Variants in XIRP2 observed in about 807,000 individuals in gnomAD.
The protein encoded by XIRP2 is xin actin-binding repeat-containing protein 2.
XIRP2 carries 236 observed loss-of-function variants against 277.0 expected under a neutral mutation model. That is an observed-to-expected ratio of 0.85 (90% CI 0.77 to 0.95). XIRP2 has a LOEUF of 0.95. XIRP2 is among the 40% of genes least tolerant of loss of function. The pLI is 0.00. For missense variants in XIRP2, 4,640 were observed against 4,157.5 expected (o/e 1.12, Z -3.19); for synonymous variants, 1,490 against 1,416.5 (o/e 1.05, Z -1.17).
intron 4 of XIRP2, among the ~76,000 whole-genome samples, chr2:167,212,091 T>A (rs548613119): frequency 6.6e-6 from 1 of 152,198 alleles, no homozygotes; most frequent in East Asian, 1.9e-4. Context: ...AAAAATGCAA[T>A]TCTAGATGAC....
intron 2 of XIRP2, among the ~76,000 whole-genome samples, chr2:167,028,864 A>G (rs1231017810): frequency 2.6e-5 from 4 of 151,774 alleles, no homozygotes; most frequent in Non-Finnish European, 1.5e-5. Context: ...AATTTTTAAA[A>G]GTGAAATAAT....
At chr2:167,031,450 T>C (rs1035253467) in intron 2 of XIRP2, among the ~76,000 whole-genome samples, 12 of 152,170 alleles carry the variant, frequency 7.9e-5, no homozygotes, top group African/African-American at 2.7e-4. Context: ...CCTTCACTTA[T>C]GAAGCTTAGT....
At chr2:167,185,170 C>T (rs568749978) in intron 3 of XIRP2, among the ~76,000 whole-genome samples, 1 of 152,198 alleles carries the variant, frequency 6.6e-6, no homozygotes, top group African/African-American at 2.4e-5. Flanking sequence ...ATTACGTGAT[C>T]ACTAATTAAT....
rs568480750 is a variant in XIRP2 at position 167,253,938 on chromosome 2, G to T, written c.10556-94G>T. On this transcript the variant is annotated intron_variant, in intron 9 of 10. Coordinates refer to ENST00000409195, the MANE Select transcript of XIRP2 (RefSeq NM_152381.6). ...GTCTTAGAGCTTTTCTACTTTAACC[G>T]CATGGCCAGTTAATATGTGTTTTTG... is the stretch of plus-strand genomic sequence containing the variant. 5.8e-6 allele frequency: 8 copies of T among 1,380,308 alleles called. No homozygotes were observed. The East Asian group carries it at 9.5e-5, about 16-fold the overall frequency. The allele number at this position is 1,380,308 out of a possible 1,614,324, so 85.5% of individuals were successfully genotyped here. A position where few individuals can be genotyped will look rare whatever the true frequency, so the allele number is the denominator to read the frequency against.
chr2:166,969,972 C>G (rs973247322), intron 2 of XIRP2, among the ~76,000 whole-genome samples: 12 of 151,842 alleles, frequency 7.9e-5, no homozygotes. Flanking sequence ...TTTCATGAAC[C>G]ATTAGCATTC....
chr2:167,251,087 G>A lies in XIRP2; in HGVS notation c.9695G>A (p.Arg3232Lys), dbSNP rs1323734766. 1.2e-6 allele frequency: 2 copies of A among 1,613,596 alleles called. No homozygotes were observed. The highest frequency in any genetic ancestry group is 4.5e-5 in the East Asian group (2 of 44,830). The change falls in exon 9 of 11, where the codon AGG becomes AAG. Residue 3232 changes from arginine (R) to lysine (K), a missense_variant. Coordinates refer to ENST00000409195, the MANE Select transcript of XIRP2 (RefSeq NM_152381.6). ...RRQIKIETRG[R>K]DSPPTITIPV... ...CAAATTAAGATAGAAACTCGTGGTAGGGACTCTCCACCTACAATCACAATA... is the reference window on the plus strand; with the variant it reads ...CAAATTAAGATAGAAACTCGTGGTAAGGACTCTCCACCTACAATCACAATA...
chr2:166,969,331 C>CA (rs1471258263), intron 2 of XIRP2, among the ~76,000 whole-genome samples: 1 of 151,910 alleles, frequency 6.6e-6, no homozygotes, highest in Non-Finnish European at 1.5e-5. Context: ...GTTTACTATA[C>CA]AAAGTGAATT....
At chr2:167,099,378 G>C (rs1036789153) in intron 2 of XIRP2, among the ~76,000 whole-genome samples, 2 of 152,168 alleles carry the variant, frequency 1.3e-5, no homozygotes, top group Admixed American at 6.5e-5. Flanking sequence ...AGCATCCCAG[G>C]TCAACTTCAG....
intron 3 of XIRP2, among the ~76,000 whole-genome samples, chr2:167,138,113 A>G (rs1023113251): frequency 2.0e-5 from 3 of 152,210 alleles, no homozygotes; most frequent in Non-Finnish European, 4.4e-5. Flanking sequence ...AAGATTTCAG[A>G]ATTTATACAA....
chr2:167,043,346 A>G (rs1688710827), intron 2 of XIRP2, among the ~76,000 whole-genome samples: 1 of 152,144 alleles, frequency 6.6e-6, no homozygotes, highest in African/African-American at 2.4e-5. Flanking sequence ...GCTGAAGTGA[A>G]TAAAATTGAG....
Position 167,247,672 on chromosome 2 carries a change from A to T in XIRP2, c.6280A>T (p.Thr2094Ser). The T allele has an allele frequency of 6.2e-7, 1 of 1,613,672 alleles. No individual in the cohort carries two copies. The highest frequency in any genetic ancestry group is 1.3e-5 in the African/African-American group (1 of 75,016). Residue 2094 changes from threonine (T) to serine (S), a missense_variant, in exon 9 of 11, where the codon ACA becomes TCA. By Grantham distance (58) the Thr-to-Ser change is moderately conservative. Transcript: ENST00000409195. ...AACTGTGTCAGTTAAGAATAATCTAACAACTAAAGAATCAGACAGGGCAGT... is the reference window on the plus strand; with the variant it reads ...AACTGTGTCAGTTAAGAATAATCTATCAACTAAAGAATCAGACAGGGCAGT... ...TSTVSVKNNL[T>S]TKESDRAVRE...
intron 2 of XIRP2, among the ~76,000 whole-genome samples, chr2:167,036,188 G>T (rs1259977416): frequency 6.6e-6 from 1 of 152,204 alleles, no homozygotes; most frequent in African/African-American, 2.4e-5. Flanking sequence ...CTGAGGCACT[G>T]CTTAGTAGAG....
At chr2:167,214,631 A>G (rs573975706) in intron 4 of XIRP2, among the ~76,000 whole-genome samples, 8 of 151,964 alleles carry the variant, frequency 5.3e-5, no homozygotes, top group African/African-American at 1.9e-4. Flanking sequence ...CAGTGGCACA[A>G]TCTCGGCTCA....
rs1559040490 is a variant in XIRP2 at position 167,246,052 on chromosome 2, GA to G, written c.4663del (p.Thr1555ProfsTer2). On this transcript the variant is annotated frameshift_variant, in exon 9 of 11. Coordinates refer to ENST00000409195, the MANE Select transcript of XIRP2 (RefSeq NM_152381.6). LOFTEE classifies it high-confidence loss of function. Reference protein sequence around the residue: ...KIEIIGKSIKETLEDLYSQKV... With the variant: ...KIEIIGKSIKXTLEDLYSQKV... ...AGAAATTATTGGCAAGAGCATTAAA[GA>G]AACCTTAGAAGATCTCTACTCTCAA... 1 of 1,613,420 alleles carries G rather than the reference GA, an allele frequency of 6.2e-7. No individual in the cohort carries two copies. The highest frequency in any genetic ancestry group is 8.5e-7 in the Non-Finnish European group (1 of 1,179,768).
chr2:167,045,451 A>T (rs902810474), intron 2 of XIRP2, among the ~76,000 whole-genome samples: 6 of 152,100 alleles, frequency 3.9e-5, no homozygotes, highest in African/African-American at 1.4e-4. Context: ...AACTATCATG[A>T]CCGAGTAAAC....
intron 3 of XIRP2, among the ~76,000 whole-genome samples, chr2:167,185,267 A>G (rs181594604): frequency 1.3e-5 from 2 of 152,204 alleles, no homozygotes; most frequent in Non-Finnish European, 2.9e-5. Flanking sequence ...CTTAATTATT[A>G]CCAATTATTA....
In XIRP2 at chr2:167,224,952, T is replaced by C. The variant is rs539185958; in HGVS notation, c.858+6652T>C. 4.6e-5 allele frequency among the ~76,000 whole-genome samples: 7 copies of C among 152,330 alleles called. No individual in the cohort carries two copies. The South Asian group carries it at 1.4e-3, about 32-fold the overall frequency. On this transcript the variant is annotated intron_variant, in intron 5 of 10. Transcript: ENST00000409195. ...CATACCTGTACGTGTTTTGAGCATA[T>C]GTCATTGTGGAGTAATCAGTAACTC...
At chr2:166,901,497 A>G (rs1316576872) in intron 1 of XIRP2, among the ~76,000 whole-genome samples, 2 of 152,054 alleles carry the variant, frequency 1.3e-5, no homozygotes. Flanking sequence ...TCTACAGGAG[A>G]AAATGGCTTT....
At chr2:166,919,051 C>T (rs1684970328) in intron 2 of XIRP2, among the ~76,000 whole-genome samples, 2 of 152,064 alleles carry the variant, frequency 1.3e-5, no homozygotes, top group African/African-American at 2.4e-5. Flanking sequence ...TGGCTGTAAA[C>T]AACAGGTACA....
Sources: gnomAD v4.1 joint callset for allele counts (sites outside exome capture counted in the v4.1 genomes callset) on GRCh38, gnomAD v4.1.1 for gene constraint, MANE v1.5 for transcripts, NCBI Gene and HGNC (gene_info 2026-07-23, HGNC 2026-07-21) for gene names.